Variants in SULT1A1 observed in about 807,000 individuals in gnomAD.
The protein encoded by SULT1A1 is sulfotransferase family 1A member 1, also known as sulfotransferase 1A1.
Under a neutral mutation model 36.8 loss-of-function variants are expected in SULT1A1, and 35 were observed. That is an observed-to-expected ratio of 0.95 (90% CI 0.73 to 1.26). The LOEUF (loss-of-function observed/expected upper bound fraction) is 1.26. Ranked by LOEUF, SULT1A1 falls within the 50% of genes most tolerant of loss-of-function variation. The pLI, the probability that SULT1A1 is intolerant of heterozygous loss-of-function variation, is 0.00. For missense variants in SULT1A1, 309 were observed against 383.0 expected, an observed-to-expected ratio of 0.81 and a Z score of 1.61; for synonymous variants, 119 against 146.0, an observed-to-expected ratio of 0.82 and a Z score of 1.33.
intron 1 of SULT1A1, among the ~76,000 whole-genome samples, chr16:28,620,563 C>CA (rs5816469): frequency 0.037 from 3,343 of 90,716 alleles, 68 homozygotes; most frequent in African/African-American, 0.044. Context: ...GACCCTGTCT[C>CA]AAAAAAAAAA....
chr16:28,605,738 G>C lies in SULT1A1; in HGVS notation c.*83C>G. 1 of 1,593,222 alleles carries C rather than the reference G, an allele frequency of 6.3e-7. No individual in the cohort carries two copies. The highest frequency in any genetic ancestry group is 1.1e-5 in the South Asian group (1 of 89,570). On this transcript the variant is annotated 3_prime_UTR_variant, in exon 8 of 8. Coordinates refer to ENST00000314752, the MANE Select transcript of SULT1A1 (RefSeq NM_001055.4). ...TTACAGACATGACCTACCGTCCCGG[G>C]CCCTCAATTCATATTTTATTCTTGA...
chr16:28,623,293 G>A, exon 1 of SULT1A1: 1 of 1,537,984 alleles, frequency 6.5e-7, no homozygotes, highest in South Asian at 1.2e-5. Flanking sequence ...GTGGCCACGC[G>A]CCGCGTCTGG....
In SULT1A1 at chr16:28,617,316, C is replaced by A. The variant is rs147964732; in HGVS notation, c.138+2747G>T. Among the ~76,000 whole-genome samples the A allele has an allele frequency of 3.0e-3, 463 of 152,180 alleles. 1 individual carries two copies. The highest frequency in any genetic ancestry group is 6.8e-3 in the Middle Eastern group (2 of 294). ...CAGGCATGAGCCACTGGTGCCTGGC[C>A]CCAGCAAGACTTCCTTGATCCCCAC... On this transcript the variant is annotated intron_variant, in intron 2 of 5. Transcript: ENST00000350842.
chr16:28,620,588 ATAGTCTCCACTC>A, intron 1 of SULT1A1, among the ~76,000 whole-genome samples: 1 of 150,794 alleles, frequency 6.6e-6, no homozygotes, highest in Non-Finnish European at 1.5e-5. Flanking sequence ...AAAAAAGAAC[ATAGTCTCCACTC>A]TAAAACTAGA....
intron 2 of SULT1A1, among the ~76,000 whole-genome samples, chr16:28,618,574 G>A (rs1261210180): frequency 2.0e-5 from 3 of 151,784 alleles, no homozygotes; most frequent in Non-Finnish European, 4.4e-5. Context: ...TCGATCTCCC[G>A]ACCTTGTGAT....
At position 28,609,335 on chromosome 16, in the gene SULT1A1, AG is replaced by A. The variant is rs1246096076; in HGVS notation, c.-4-477del. ...AGCCCCTCACATGTGGAAACCGCCC[AG>A]GCCAGCCAGGCCTGTGATCCACTTG... On this transcript the variant is annotated intron_variant, in intron 1 of 7. Transcript: ENST00000314752. 3 of 1,287,782 alleles carry A rather than the reference AG, an allele frequency of 2.3e-6. No individual in the cohort carries two copies. In the African/African-American group the frequency reaches 4.5e-5, roughly 19 times the overall value. 79.8% of individuals were successfully genotyped at this position (1,287,782 alleles called of 1,614,324 possible).
At chr16:28,609,465 A>T (rs1312612195) in intron 1 of SULT1A1, 1 of 1,207,428 alleles carries the variant, frequency 8.3e-7, no homozygotes, top group African/African-American at 1.5e-5. Context: ...AACTCTGATG[A>T]CTCAGCAAAA....
rs2047624289 is a variant in SULT1A1, at chr16:28,620,203, T to C, written c.68-70A>G. 1.4e-5 allele frequency: 21 copies of C among 1,466,466 alleles called. No individual in the cohort carries two copies. In the South Asian group the frequency reaches 2.5e-4, roughly 18 times the overall value. The allele number at this position is 1,466,466 out of a possible 1,614,324, so 90.8% of individuals were successfully genotyped here. A position where few individuals can be genotyped will look rare whatever the true frequency, so the allele number is the denominator to read the frequency against. On this transcript the variant is annotated intron_variant, in intron 1 of 5. Coordinates refer to the SULT1A1 transcript ENST00000350842. ...TACTGTATAACAGTTCATGTTTAAG[T>C]TTACCATTCCAAAATGCAAAGTAAC...
At chr16:28,621,757 C>T (rs1416268092) in intron 1 of SULT1A1, among the ~76,000 whole-genome samples, 3 of 152,036 alleles carry the variant, frequency 2.0e-5, no homozygotes, top group Non-Finnish European at 4.4e-5. Context: ...GGCTTAAGAC[C>T]CATAGAGATT....
At chr16:28,609,760 A>G (rs1329783798) in intron 1 of SULT1A1, 171 bp downstream of exon 1, 4 of 840,470 alleles carry the variant, frequency 4.8e-6, no homozygotes, top group African/African-American at 3.5e-5. Flanking sequence ...TCCCCGGGGA[A>G]AAAAACAAAC....
In SULT1A1 at chr16:28,605,723, G is replaced by T; in HGVS notation, c.*98C>A. ...TCCAAATTGCTGGGATTACAGACATGACCTACCGTCCCGGGCCCTCAATTC... is the reference window on the plus strand; with the variant it reads ...TCCAAATTGCTGGGATTACAGACATTACCTACCGTCCCGGGCCCTCAATTC... On this transcript the variant is annotated 3_prime_UTR_variant, in exon 8 of 8. Transcript: ENST00000314752. 2 of 1,568,224 alleles carry T rather than the reference G, an allele frequency of 1.3e-6. No homozygotes were observed. The highest frequency in any genetic ancestry group is 1.1e-5 in the South Asian group (1 of 87,216).
chr16:28,619,712 C>A (rs2151722990), intron 2 of SULT1A1, among the ~76,000 whole-genome samples: 1 of 130,050 alleles, frequency 7.7e-6, no homozygotes, highest in East Asian at 2.6e-4. Flanking sequence ...AGAATGAGAC[C>A]CTGTCTCAAA....
chr16:28,622,197 T>TG (rs561893398), intron 1 of SULT1A1, among the ~76,000 whole-genome samples: 48 of 151,948 alleles, frequency 3.2e-4, no homozygotes, highest in African/African-American at 1.1e-3. Flanking sequence ...TCTCTTTCTC[T>TG]GGGGGACACA....
chr16:28,620,175 G>C, intron 1 of SULT1A1: 3 of 1,581,370 alleles, frequency 1.9e-6, no homozygotes, highest in Non-Finnish European at 2.6e-6. Context: ...AGATTCAGTA[G>C]AGTACTGTAT....
Position 28,606,606 on chromosome 16 carries a change from G to C in SULT1A1, c.594+155C>G, listed in dbSNP as rs1567304248. Among the ~76,000 whole-genome samples the C allele has an allele frequency of 2.3e-5, 3 of 132,888 alleles. 1 individual carries two copies. The highest frequency in any genetic ancestry group is 5.2e-5 in the Non-Finnish European group (3 of 57,538). 87.2% of individuals were successfully genotyped at this position (132,888 alleles called of 152,430 possible). On this transcript the variant is annotated intron_variant, in intron 6 of 7. Coordinates refer to ENST00000314752, the MANE Select transcript of SULT1A1 (RefSeq NM_001055.4). Reference sequence around the variant, plus strand: ...TGTGTGGGGCCCGCTGCCAGGTGGGGCCTTAGTGGGGAGGCCTGGGCCAAG... The same window carrying C: ...TGTGTGGGGCCCGCTGCCAGGTGGGCCCTTAGTGGGGAGGCCTGGGCCAAG...
chr16:28,609,883 A>G (rs2047378615), intron 1 of SULT1A1, 48 bp downstream of exon 1: 3 of 1,250,630 alleles, frequency 2.4e-6, no homozygotes, highest in Non-Finnish European at 3.1e-6. Flanking sequence ...TAGAGCCACA[A>G]GCTGAGCAGG....
intron 1 of SULT1A1, among the ~76,000 whole-genome samples, chr16:28,622,775 C>A (rs913804268): frequency 6.6e-6 from 1 of 152,114 alleles, no homozygotes; most frequent in African/African-American, 2.4e-5. Context: ...GGGCCTTTTT[C>A]AGGGGGCAAA....
chr16:28,623,282 C>A, exon 1 of SULT1A1: 1 of 1,540,554 alleles, frequency 6.5e-7, no homozygotes, highest in South Asian at 1.2e-5. Context: ...TCACCACCAA[C>A]GTGGCCACGC....
At chr16:28,606,662 G>A (rs2047202316) in intron 6 of SULT1A1, 99 bp downstream of exon 6, 5 of 1,541,614 alleles carry the variant, frequency 3.2e-6, no homozygotes, top group Non-Finnish European at 3.5e-6. Flanking sequence ...GTCCTGCTGT[G>A]GGGGCTGCCC....
Sources: gnomAD v4.1 joint callset for allele counts (sites outside exome capture counted in the v4.1 genomes callset) on GRCh38, gnomAD v4.1.1 for gene constraint, MANE v1.5 for transcripts, NCBI Gene and HGNC (gene_info 2026-07-23, HGNC 2026-07-21) for gene names.